The following SUN3 variants were observed in gnomAD, a reference collection of about 807,000 sequenced individuals.
SUN3 encodes Sad1 and UNC84 domain containing 3.
In SUN3, 36 loss-of-function variants were observed where a neutral mutation model predicts 48.2. The ratio of observed to expected loss-of-function variants is 0.75; its 90% CI spans 0.57 to 0.99. The LOEUF (loss-of-function observed/expected upper bound fraction) is 0.99. Among genes scored for constraint, SUN3 ranks in the 50% least tolerant of loss-of-function variants. The probability of loss-of-function intolerance (pLI) is 0.00; values close to 1 mark genes in which losing one functional copy is unlikely to be tolerated. For synonymous variants in SUN3, 148 were observed against 147.9 expected (o/e 1.00, Z 0.00); for missense variants, 419 against 433.1 (o/e 0.97, Z 0.29).
At chr7:48,020,832 T>C (rs2128782277) in intron 2 of SUN3, among the ~76,000 whole-genome samples, 1 of 152,270 alleles carries the variant, frequency 6.6e-6, no homozygotes, top group South Asian at 2.1e-4. Context: ...AAGATCAATA[T>C]TGCTAAATGT....
At chr7:48,025,760 C>T in intron 2 of SUN3, 117 bp downstream of exon 2, 3 of 636,148 alleles carry the variant, frequency 4.7e-6, no homozygotes, top group Non-Finnish European at 8.1e-6. Flanking sequence ...TGCAGGTCAC[C>T]TCCAGCACTT....
At chr7:48,027,970 GTGTTTTTCGTTTTT>G (rs1353410872) in intron 1 of SUN3, among the ~76,000 whole-genome samples, 1 of 152,102 alleles carries the variant, frequency 6.6e-6, no homozygotes, top group Non-Finnish European at 1.5e-5. Flanking sequence ...ATTAACTCCA[GTGTTTTTCGTTTTT>G]TGTTTTTCAC....
At chr7:47,990,171 G>C (rs776699077) in intron 8 of SUN3, among the ~76,000 whole-genome samples, 1 of 151,980 alleles carries the variant, frequency 6.6e-6, no homozygotes, top group Non-Finnish European at 1.5e-5. Context: ...TCTGTCTCCT[G>C]CTCGTCCCTG....
chr7:48,023,442 A>G (rs1790054424), intron 2 of SUN3, among the ~76,000 whole-genome samples: 1 of 152,180 alleles, frequency 6.6e-6, no homozygotes, highest in Non-Finnish European at 1.5e-5. Flanking sequence ...ACAAAATGAA[A>G]CAGATCAGAA....
chr7:48,030,836 C>A (rs1254183472), upstream of SUN3, among the ~76,000 whole-genome samples: 3 of 152,194 alleles, frequency 2.0e-5, no homozygotes, highest in Non-Finnish European at 4.4e-5. Context: ...CGCACATATA[C>A]AGCCAACTAA....
At chr7:48,011,179 T>A (rs914030091) in intron 3 of SUN3, among the ~76,000 whole-genome samples, 1 of 152,212 alleles carries the variant, frequency 6.6e-6, no homozygotes, top group Non-Finnish European at 1.5e-5. Context: ...GGTAGACATA[T>A]CTTTTTGGGA....
rs368232133 is a variant in SUN3 at position 48,017,230 on chromosome 7, G to A, written c.288+32C>T. ...TTGTAGCATATTAAACTTTAAATGA[G>A]TGATATACAAAATTACTTAACAAAA... On this transcript the variant is annotated intron_variant, in intron 3 of 9. Transcript: ENST00000297325. The A allele has an allele frequency of 3.6e-5, 43 of 1,187,330 alleles. No individual in the cohort carries two copies. The African/African-American group carries it at 6.1e-4, about 17-fold the overall frequency. 73.5% of individuals were successfully genotyped at this position (1,187,330 alleles called of 1,614,324 possible).
chr7:47,992,017 C>T (rs897342731), intron 8 of SUN3, among the ~76,000 whole-genome samples: 1 of 152,188 alleles, frequency 6.6e-6, no homozygotes, highest in South Asian at 2.1e-4. Context: ...CCTCCTCTCC[C>T]CAGCAGCTCA....
intron 6 of SUN3, among the ~76,000 whole-genome samples, chr7:47,999,735 A>G (rs976936131): frequency 2.6e-5 from 4 of 152,278 alleles, no homozygotes; most frequent in Middle Eastern, 3.4e-3. Context: ...GGGTTTCACC[A>G]GGTTGGCCAG....
At chr7:48,028,479 CAAAAAAAAAAAAAA>C (rs55997019) in intron 1 of SUN3, among the ~76,000 whole-genome samples, 3 of 45,232 alleles carry the variant, frequency 6.6e-5, no homozygotes, top group Admixed American at 3.7e-4. Flanking sequence ...AGCCCAATGA[CAAAAAAAAAAAAAA>C]AAAAAAAAAA....
intron 9 of SUN3, among the ~76,000 whole-genome samples, chr7:47,988,126 C>G (rs554647763): frequency 2.5e-4 from 38 of 152,278 alleles, no homozygotes; most frequent in African/African-American, 8.9e-4. Context: ...ATATGAAGCT[C>G]TACAAATATG....
At chr7:48,017,134 C>A (rs2128780647) in intron 3 of SUN3, 128 bp downstream of exon 3, 1 of 598,188 alleles carries the variant, frequency 1.7e-6, no homozygotes, top group Admixed American at 3.3e-5. Flanking sequence ...AATAGAATTC[C>A]ATTTCCTACA....
In SUN3 at chr7:47,992,326, A is replaced by G. The variant is rs548715201; in HGVS notation, c.861+1989T>C. 1.1e-4 allele frequency among the ~76,000 whole-genome samples: 17 copies of G among 152,350 alleles called. No homozygotes were observed. In the South Asian group the frequency reaches 2.9e-3, roughly 26 times the overall value. ...GAAATCCAGACCCGGAAGCGAGCAG[A>G]AGAAAATGAGACAAGCCTACAGTTA... On this transcript the variant is annotated intron_variant, in intron 8 of 9. Transcript: ENST00000297325.
At chr7:47,995,949 A>G in intron 7 of SUN3, 82 bp downstream of exon 7, 1 of 871,842 alleles carries the variant, frequency 1.1e-6, no homozygotes, top group Non-Finnish European at 1.7e-6. Flanking sequence ...TATTGCCTCC[A>G]TTTTTAAAAT....
intron 4 of SUN3, among the ~76,000 whole-genome samples, chr7:48,007,825 G>GTT (rs1275161930): frequency 2.3e-4 from 32 of 138,014 alleles, no homozygotes; most frequent in African/African-American, 5.6e-4. Flanking sequence ...TCCCAAGAAT[G>GTT]TTTTTTTTTT....
At chr7:48,002,097 G>A (rs1344785342) in intron 6 of SUN3, among the ~76,000 whole-genome samples, 1 of 127,422 alleles carries the variant, frequency 7.8e-6, no homozygotes, top group Non-Finnish European at 1.7e-5. Context: ...TTTGATAATA[G>A]CCATTCTGAA....
At chr7:48,006,120 A>C in intron 5 of SUN3, 67 bp from the exon 6 acceptor site, 1 of 1,172,336 alleles carries the variant, frequency 8.5e-7, no homozygotes. Flanking sequence ...TTGACCATTC[A>C]TTTTATTGAT....
chr7:48,008,941 G>A, intron 4 of SUN3, 94 bp downstream of exon 4: 1 of 1,151,450 alleles, frequency 8.7e-7, no homozygotes, highest in Non-Finnish European at 1.3e-6. Flanking sequence ...TTATTTCAGG[G>A]AGTAACTTTT....
At position 47,987,302 on chromosome 7, in the gene SUN3, T is replaced by C. The variant is rs376932819; in HGVS notation, c.*28A>G. 1.2e-6 allele frequency: 2 copies of C among 1,600,828 alleles called. No homozygotes were observed. Among genetic ancestry groups the C allele is most frequent in the Non-Finnish European group, 1.7e-6 (2 of 1,173,984 alleles). The stretch of plus-strand genomic sequence containing the variant: ...TAAGCATTCTTGAATATTCTGGACA[T>C]GTGGCATGGCCTTCTGTACCAACTC... On this transcript the variant is annotated 3_prime_UTR_variant, in exon 10 of 10. Coordinates refer to ENST00000297325, the MANE Select transcript of SUN3 (RefSeq NM_001030019.2).
Sources: gnomAD v4.1 joint callset for allele counts (sites outside exome capture counted in the v4.1 genomes callset) on GRCh38, gnomAD v4.1.1 for gene constraint, MANE v1.5 for transcripts, NCBI Gene and HGNC (gene_info 2026-07-23, HGNC 2026-07-21) for gene names.